Variants in ZNRF1 observed in about 807,000 individuals in gnomAD.
The protein encoded by ZNRF1 is zinc and ring finger 1, also known as E3 ubiquitin-protein ligase ZNRF1.
ZNRF1 carries 3 observed loss-of-function variants against 18.4 expected under a neutral mutation model. That is an observed-to-expected ratio of 0.16 (90% CI 0.07 to 0.42). The LOEUF is 0.42. Ranked by LOEUF, ZNRF1 falls within the 10% of genes least tolerant of loss-of-function variation. The probability of loss-of-function intolerance (pLI) is 0.99; values close to 1 mark genes in which losing one functional copy is unlikely to be tolerated. For missense variants in ZNRF1, 310 were observed against 329.8 expected, an observed-to-expected ratio of 0.94 and a Z score of 0.47; for synonymous variants, 157 against 144.2, an observed-to-expected ratio of 1.09 and a Z score of -0.64.
intron 1 of ZNRF1, among the ~76,000 whole-genome samples, chr16:75,057,171 C>A (rs370326892): frequency 6.6e-6 from 1 of 152,122 alleles, no homozygotes; most frequent in Non-Finnish European, 1.5e-5. Flanking sequence ...TGGAATACCC[C>A]CACCCTGCCG....
Position 74,999,865 on chromosome 16 carries a change from G to C in ZNRF1, c.194G>C (p.Gly65Ala). ...ATGGGCATGGACCCCAGCACGGCCG[G>C]GGGGGTGCCCTTTGGCCTCTACACC... ...AGMGMDPSTA[G>A]GVPFGLYTPA... is the part of the protein sequence containing the mutation. The change falls in exon 1 of 5, where the codon GGG (glycine) becomes GCG (alanine). Residue 65 changes from glycine to alanine, a missense_variant. Gly to Ala is a moderately conservative substitution (Grantham distance 60). Around this residue, in one of 2 missense-constraint regions of ZNRF1, gnomAD observed 293 missense variants for 291.2 expected, o/e 1.01. Transcript: ENST00000335325. The C allele has an allele frequency of 1.3e-6, 2 of 1,521,642 alleles. No homozygotes were observed. The highest frequency in any genetic ancestry group is 8.8e-7 in the Non-Finnish European group (1 of 1,138,620). 94.3% of individuals were successfully genotyped at this position (1,521,642 alleles called of 1,614,324 possible).
chr16:75,022,651 T>G (rs1567468852), intron 1 of ZNRF1, among the ~76,000 whole-genome samples: 2 of 152,232 alleles, frequency 1.3e-5, no homozygotes, highest in Admixed American at 6.5e-5. Flanking sequence ...AAAATTTAAA[T>G]TCCATTTCTG....
At chr16:75,066,403 T>G (rs1403574911) in intron 1 of ZNRF1, among the ~76,000 whole-genome samples, 1 of 152,188 alleles carries the variant, frequency 6.6e-6, no homozygotes, top group Non-Finnish European at 1.5e-5. Context: ...TTCGATGAGT[T>G]CAGTACCATT....
chr16:75,050,889 CAAAAAAAAACAAAAA>C (rs2035589805), intron 1 of ZNRF1, among the ~76,000 whole-genome samples: 2 of 27,638 alleles, frequency 7.2e-5, no homozygotes, highest in African/African-American at 1.9e-4. Context: ...AAAAAAAAAA[CAAAAAAAAACAAAAA>C]ACTTGTAGCC....
At chr16:75,019,174 A>T (rs2035111142) in intron 1 of ZNRF1, among the ~76,000 whole-genome samples, 1 of 152,100 alleles carries the variant, frequency 6.6e-6, no homozygotes, top group Admixed American at 6.6e-5. Flanking sequence ...AAAAACAAAC[A>T]AAAAGATTAA....
intron 1 of ZNRF1, among the ~76,000 whole-genome samples, chr16:75,024,910 A>G (rs2035200404): frequency 6.6e-6 from 1 of 152,242 alleles, no homozygotes; most frequent in Admixed American, 6.5e-5. Context: ...TCTGGTGTAT[A>G]TGTCTCCAAA....
chr16:75,002,991 T>C (rs930913336), intron 1 of ZNRF1, among the ~76,000 whole-genome samples: 1 of 152,240 alleles, frequency 6.6e-6, no homozygotes, highest in African/African-American at 2.4e-5. Context: ...TTCGCTCTTG[T>C]TGCCCAGGCT....
At chr16:75,025,840 G>A (rs763147256) in intron 1 of ZNRF1, among the ~76,000 whole-genome samples, 1 of 141,744 alleles carries the variant, frequency 7.1e-6, no homozygotes, top group Non-Finnish European at 1.5e-5. Context: ...ATCTTGGATC[G>A]ACATCTGAGA....
chr16:75,008,987 A>G (rs771058361), intron 1 of ZNRF1, among the ~76,000 whole-genome samples: 17 of 152,208 alleles, frequency 1.1e-4, no homozygotes, highest in Non-Finnish European at 2.1e-4. Context: ...CTGTCCTCTC[A>G]GTGAGAATAT....
At chr16:75,074,585 A>G (rs2035915088) in intron 1 of ZNRF1, among the ~76,000 whole-genome samples, 2 of 152,188 alleles carry the variant, frequency 1.3e-5, no homozygotes. Flanking sequence ...TGAAACTGAA[A>G]GAGGGAGCTA....
chr16:74,999,847 T>C lies in ZNRF1; in HGVS notation c.176T>C (p.Met59Thr). 1 of 1,494,166 alleles carries C rather than the reference T, an allele frequency of 6.7e-7. No homozygotes were observed. The highest frequency in any genetic ancestry group is 8.9e-7 in the Non-Finnish European group (1 of 1,125,748). The allele number at this position is 1,494,166 out of a possible 1,614,324, so 92.6% of individuals were successfully genotyped here. A position where few individuals can be genotyped will look rare whatever the true frequency, so the allele number is the denominator to read the frequency against. The change falls in exon 1 of 5, where the codon ATG becomes ACG. Residue 59 changes from methionine to threonine, a missense_variant. Physicochemically the swap from Met to Thr is moderately conservative, Grantham distance 81. This residue lies in a region of ZNRF1 where 293 missense variants were observed against 291.2 expected (regional missense o/e 1.01). Transcript: ENST00000335325. The part of the protein sequence containing the change: ...RSVSSVAGMG[M>T]DPSTAGGVPF... ...GTCAGCTCGGTGGCAGGCATGGGCA[T>C]GGACCCCAGCACGGCCGGGGGGGTG...
intron 1 of ZNRF1, among the ~76,000 whole-genome samples, chr16:75,073,010 G>A (rs770114477): frequency 9.2e-5 from 14 of 152,130 alleles, no homozygotes; most frequent in Non-Finnish European, 1.3e-4. Flanking sequence ...GAGGGGCCAG[G>A]CAGGTACAGT....
Position 74,999,486 on chromosome 16 carries a change from C to T in ZNRF1, c.-186C>T, listed in dbSNP as rs1444131671. ...AAATTCTGAGTTTGGGATCCCCGCCCGCCCGCCTGCCTCTTCCGCCCCGCG... is the reference window on the plus strand; with the variant it reads ...AAATTCTGAGTTTGGGATCCCCGCCTGCCCGCCTGCCTCTTCCGCCCCGCG... On this transcript the variant is annotated 5_prime_UTR_variant, in exon 1 of 5. Transcript: ENST00000335325. 6 of 429,272 alleles carry T rather than the reference C, an allele frequency of 1.4e-5. No homozygotes were observed. Among genetic ancestry groups the T allele is most frequent in the East Asian group, 7.1e-5 (2 of 28,024 alleles). 26.6% of individuals were successfully genotyped at this position (429,272 alleles called of 1,614,324 possible).
At chr16:75,043,682 C>T (rs1166999493) in intron 1 of ZNRF1, among the ~76,000 whole-genome samples, 1 of 149,482 alleles carries the variant, frequency 6.7e-6, no homozygotes, top group Non-Finnish European at 1.5e-5. Context: ...GGCATATATA[C>T]ACAGGTATAT....
chr16:75,061,979 T>C (rs2035749931), intron 1 of ZNRF1, among the ~76,000 whole-genome samples: 1 of 152,246 alleles, frequency 6.6e-6, no homozygotes, highest in African/African-American at 2.4e-5. Context: ...TTATATTGTA[T>C]TTCCCTTAAG....
intron 1 of ZNRF1, among the ~76,000 whole-genome samples, chr16:75,087,628 C>G (rs954789249): frequency 6.6e-6 from 1 of 152,212 alleles, no homozygotes; most frequent in African/African-American, 2.4e-5. Flanking sequence ...CCACCCAGAG[C>G]AGAATTGGGT....
intron 1 of ZNRF1, among the ~76,000 whole-genome samples, chr16:75,077,074 A>G (rs1326362491): frequency 6.6e-6 from 1 of 152,196 alleles, no homozygotes; most frequent in Non-Finnish European, 1.5e-5. Flanking sequence ...CAGCAGAGCC[A>G]GGGAACCCCA....
chr16:75,075,226 C>T (rs4356504), intron 1 of ZNRF1, among the ~76,000 whole-genome samples: 58,093 of 152,152 alleles, frequency 0.38, 12,046 homozygotes, highest in East Asian at 0.68. Flanking sequence ...TGACCTTTTT[C>T]CTGCCAGCAG....
At chr16:75,019,644 C>G (rs1465503842) in intron 1 of ZNRF1, among the ~76,000 whole-genome samples, 1 of 152,084 alleles carries the variant, frequency 6.6e-6, no homozygotes, top group Non-Finnish European at 1.5e-5. Flanking sequence ...TTCTGTATGT[C>G]CTTACATCAA....
Sources: gnomAD v4.1 joint callset for allele counts (sites outside exome capture counted in the v4.1 genomes callset) on GRCh38, gnomAD v4.1.1 for gene constraint, gnomAD v4.1.1 regional missense constraint, MANE v1.5 for transcripts, NCBI Gene and HGNC (gene_info 2026-07-23, HGNC 2026-07-21) for gene names.